Variants in PRKAR2B observed in about 807,000 individuals in gnomAD.
The protein encoded by PRKAR2B is protein kinase cAMP-dependent type II regulatory subunit beta.
A neutral mutation model predicts 49.9 loss-of-function variants in PRKAR2B; 14 were observed. The observed-to-expected ratio is 0.28, with a 90% CI of 0.19 to 0.44. The LOEUF (loss-of-function observed/expected upper bound fraction) is 0.44, where lower values mean the gene tolerates loss of function less well. PRKAR2B is among the 20% of genes least tolerant of loss of function. The probability of loss-of-function intolerance (pLI) is 1.00; values close to 1 mark genes in which losing one functional copy is unlikely to be tolerated. For synonymous variants in PRKAR2B, 196 were observed against 197.7 expected (o/e 0.99, Z 0.07); for missense variants, 393 against 537.9 (o/e 0.73, Z 2.67).
chr7:107,115,757 G>A, intron 2 of PRKAR2B, among the ~76,000 whole-genome samples: 1 of 152,116 alleles, frequency 6.6e-6, no homozygotes, highest in East Asian at 1.9e-4. Flanking sequence ...ACAAAATTCT[G>A]GTTTTCTTGC....
intron 2 of PRKAR2B, among the ~76,000 whole-genome samples, chr7:107,118,102 G>A (rs946277153): frequency 2.6e-5 from 4 of 152,204 alleles, no homozygotes; most frequent in South Asian, 4.1e-4. Context: ...GAACACAAGG[G>A]AGTACAGGTT....
intron 3 of PRKAR2B, among the ~76,000 whole-genome samples, chr7:107,125,990 G>A (rs1795475242): frequency 6.6e-6 from 1 of 150,852 alleles, no homozygotes; most frequent in Non-Finnish European, 1.5e-5. Context: ...AGGAGGCTGA[G>A]GCAGGAGAGT....
intron 4 of PRKAR2B, among the ~76,000 whole-genome samples, chr7:107,137,623 A>G (rs183856118): frequency 2.6e-4 from 40 of 152,244 alleles, no homozygotes; most frequent in African/African-American, 9.4e-4. Flanking sequence ...ATTTTGACAA[A>G]TGGCTTTTTT....
At chr7:107,151,148 G>T in intron 7 of PRKAR2B, 125 bp downstream of exon 7, 1 of 537,094 alleles carries the variant, frequency 1.9e-6, no homozygotes, top group Non-Finnish European at 3.2e-6. Context: ...TATTTGAAAA[G>T]ATTAAATGGT....
chr7:107,069,090 A>G (rs1169509195), intron 1 of PRKAR2B, among the ~76,000 whole-genome samples: 1 of 152,118 alleles, frequency 6.6e-6, no homozygotes, highest in South Asian at 2.1e-4. Flanking sequence ...ACCTGTCACC[A>G]TGCCCGGCTA....
chr7:107,099,738 A>G (rs547678663), intron 2 of PRKAR2B, among the ~76,000 whole-genome samples: 3 of 150,460 alleles, frequency 2.0e-5, no homozygotes, highest in African/African-American at 4.9e-5. Context: ...TCCTGGGTTC[A>G]TGCCATTCTC....
At chr7:107,081,634 C>G (rs190184425) in intron 2 of PRKAR2B, among the ~76,000 whole-genome samples, 110 of 152,178 alleles carry the variant, frequency 7.2e-4, no homozygotes, top group African/African-American at 2.6e-3. Flanking sequence ...CCTGCACCTC[C>G]CCGGATTAGT....
intron 4 of PRKAR2B, among the ~76,000 whole-genome samples, chr7:107,131,871 A>T (rs1286088820): frequency 6.6e-6 from 1 of 152,226 alleles, no homozygotes; most frequent in Non-Finnish European, 1.5e-5. Context: ...TGAATTACAT[A>T]TTCAGCTTAT....
intron 4 of PRKAR2B, among the ~76,000 whole-genome samples, chr7:107,135,517 A>T (rs1272630868): frequency 6.6e-6 from 1 of 152,180 alleles, no homozygotes; most frequent in Non-Finnish European, 1.5e-5. Context: ...AAGTGATTAT[A>T]ACAAGGTTGC....
intron 3 of PRKAR2B, among the ~76,000 whole-genome samples, chr7:107,124,023 C>A (rs1383848390): frequency 6.6e-6 from 1 of 152,086 alleles, no homozygotes; most frequent in Non-Finnish European, 1.5e-5. Flanking sequence ...TGGGAAATAT[C>A]TATGAGGAAA....
At chr7:107,090,762 G>A (rs1490583293) in intron 2 of PRKAR2B, among the ~76,000 whole-genome samples, 1 of 152,196 alleles carries the variant, frequency 6.6e-6, no homozygotes, top group African/African-American at 2.4e-5. Context: ...TGCAACTGCA[G>A]GTGACCCGTT....
chr7:107,114,528 ATTTTTTT>A (rs761914948), intron 2 of PRKAR2B, among the ~76,000 whole-genome samples: 20,081 of 131,584 alleles, frequency 0.15, 2,083 homozygotes, highest in African/African-American at 0.31. Context: ...TGCCCGGTTA[ATTTTTTT>A]TTTTTTTTTT....
At chr7:107,087,342 TC>T (rs911658238) in intron 2 of PRKAR2B, among the ~76,000 whole-genome samples, 2 of 152,180 alleles carry the variant, frequency 1.3e-5, no homozygotes, top group African/African-American at 2.4e-5. Flanking sequence ...TAAAGATATT[TC>T]ATTTTGAAAA....
chr7:107,104,520 A>G (rs1043591650), intron 2 of PRKAR2B, among the ~76,000 whole-genome samples: 4 of 152,212 alleles, frequency 2.6e-5, no homozygotes, highest in African/African-American at 9.6e-5. Context: ...ATTTCCCCAC[A>G]AAATTAAGGA....
chr7:107,075,219 C>T (rs1344256523), intron 2 of PRKAR2B, among the ~76,000 whole-genome samples: 1 of 151,690 alleles, frequency 6.6e-6, no homozygotes, highest in Admixed American at 6.6e-5. Context: ...TCTTCTGCCT[C>T]AGCCTCCTGA....
intron 8 of PRKAR2B, among the ~76,000 whole-genome samples, chr7:107,155,856 CA>C (rs1796074208): frequency 6.6e-6 from 1 of 152,106 alleles, no homozygotes; most frequent in Non-Finnish European, 1.5e-5. Context: ...GGAACCAACC[CA>C]AATGCCCATC....
At chr7:107,083,118 C>A (rs1296047420) in intron 2 of PRKAR2B, among the ~76,000 whole-genome samples, 1 of 151,408 alleles carries the variant, frequency 6.6e-6, no homozygotes, top group Non-Finnish European at 1.5e-5. Flanking sequence ...GTGGCTCATG[C>A]TTGTAATCCC....
At chr7:107,071,010 A>C (rs997097073) in intron 2 of PRKAR2B, among the ~76,000 whole-genome samples, 6 of 152,222 alleles carry the variant, frequency 3.9e-5, no homozygotes, top group Non-Finnish European at 5.9e-5. Flanking sequence ...AGACAGAATT[A>C]AGAGCATTTC....
intron 2 of PRKAR2B, among the ~76,000 whole-genome samples, chr7:107,105,046 A>G (rs184487395): frequency 1.5e-3 from 222 of 152,254 alleles, no homozygotes; most frequent in Non-Finnish European, 2.6e-3. Flanking sequence ...TAAAGTCTAT[A>G]CTTTAAAAGC....
Sources: gnomAD v4.1 joint callset for allele counts (sites outside exome capture counted in the v4.1 genomes callset) on GRCh38, gnomAD v4.1.1 for gene constraint, MANE v1.5 for transcripts, NCBI Gene and HGNC (gene_info 2026-07-23, HGNC 2026-07-21) for gene names.